The following C1QL2 variants were observed in gnomAD, a reference collection of about 807,000 sequenced individuals.
C1QL2 encodes complement C1q-like protein 2.
Under a neutral mutation model 16.6 loss-of-function variants are expected in C1QL2, and 13 were observed. The observed-to-expected ratio is 0.78, with a 90% CI of 0.51 to 1.25. The LOEUF (loss-of-function observed/expected upper bound fraction) is 1.25. Among genes scored for constraint, C1QL2 ranks in the 50% most tolerant of loss-of-function variants. The probability of loss-of-function intolerance (pLI) is 0.00; values close to 1 mark genes in which losing one functional copy is unlikely to be tolerated. For missense variants in C1QL2, 396 were observed against 409.6 expected (o/e 0.97, Z 0.29); for synonymous variants, 210 against 183.2 (o/e 1.15, Z -1.18).
chr2:119,158,225 C>T lies in C1QL2; in HGVS notation c.45G>A (p.Ala15=), dbSNP rs775675676. The T allele has an allele frequency of 3.8e-6, 6 of 1,571,316 alleles. No individual in the cohort carries two copies. Among genetic ancestry groups the T allele is most frequent in the Middle Eastern group, 2.0e-4 (1 of 5,110 alleles). The stretch of plus-strand genomic sequence containing the variant: ...CATAGTGCGCGGCGCCTCGGGGCGC[C>T]GCCTGCAGCAGCAGCGGCACGGCGA... ...LLIAVPLLLQ[A]APRGAAHYEM... is the part of the protein sequence containing the mutation. The change falls in exon 1 of 2, where the codon GCG becomes GCA. Residue 15 remains alanine, a synonymous_variant. Transcript: ENST00000272520.
Position 119,158,218 on chromosome 2 carries a change from G to C in C1QL2, c.52C>G (p.Arg18Gly), listed in dbSNP as rs879501674. 3 of 1,573,664 alleles carry C rather than the reference G, an allele frequency of 1.9e-6. No homozygotes were observed. Among genetic ancestry groups the C allele is most frequent in the African/African-American group, 1.4e-5 (1 of 70,762 alleles). Residue 18 changes from arginine to glycine, a missense_variant, in exon 1 of 2, where the codon CGA becomes GGA. Physicochemically the swap from Arg to Gly is moderately radical, Grantham distance 125. Transcript: ENST00000272520. ...ATCATCTCATAGTGCGCGGCGCCTC[G>C]GGGCGCCGCCTGCAGCAGCAGCGGC... is the stretch of plus-strand genomic sequence containing the variant. ...AVPLLLQAAP[R>G]GAAHYEMMGT... is the part of the protein sequence containing the mutation.
At position 119,156,684 on chromosome 2, in the gene C1QL2, T is replaced by G; in HGVS notation, c.*118A>C. Reference sequence around the variant, plus strand: ...GGGGCAGGGAGGACGCAGGGATTTGTCTTTTCCAAAGGAGATGTCAGGAAG... The same window carrying G: ...GGGGCAGGGAGGACGCAGGGATTTGGCTTTTCCAAAGGAGATGTCAGGAAG... On this transcript the variant is annotated 3_prime_UTR_variant, in exon 2 of 2. Transcript: ENST00000272520. 1 of 1,218,194 alleles carries G rather than the reference T, an allele frequency of 8.2e-7. No homozygotes were observed. Among genetic ancestry groups the G allele is most frequent in the Non-Finnish European group, 1.1e-6 (1 of 889,784 alleles). The allele number at this position is 1,218,194 out of a possible 1,614,324, so 75.5% of individuals were successfully genotyped here. A position where few individuals can be genotyped will look rare whatever the true frequency, so the allele number is the denominator to read the frequency against.
At position 119,157,882 on chromosome 2, in the gene C1QL2, C is replaced by T; in HGVS notation, c.388G>A (p.Gly130Arg). The part of the protein sequence containing the change: ...QLTAGTASGV[G>R]VVGGGAGVGG... ...ACCCCGGCCCCGCCGCCCACCACCC[C>T]GACGCCGCTGGCCGTGCCCGCCGTC... is the stretch of plus-strand genomic sequence containing the variant. The change falls in exon 1 of 2, where the codon GGG becomes AGG. Residue 130 changes from glycine to arginine, a missense_variant. Transcript: ENST00000272520. 2 of 1,576,628 alleles carry T rather than the reference C, an allele frequency of 1.3e-6. No homozygotes were observed. Among genetic ancestry groups the T allele is most frequent in the Non-Finnish European group, 1.7e-6 (2 of 1,161,986 alleles).
In C1QL2 at chr2:119,156,726, TG is replaced by T; in HGVS notation, c.*75del. On this transcript the variant is annotated 3_prime_UTR_variant, in exon 2 of 2. Transcript: ENST00000272520. ...GTCAGGAAGTGTTATGAATCGAGAGTGGCCTTTGCCAAGGAGCCGCGCCCGG... is the reference window on the plus strand; with the variant it reads ...GTCAGGAAGTGTTATGAATCGAGAGTGCCTTTGCCAAGGAGCCGCGCCCGG... 1 of 1,472,136 alleles carries T rather than the reference TG, an allele frequency of 6.8e-7. No individual in the cohort carries two copies. The highest frequency in any genetic ancestry group is 9.2e-7 in the Non-Finnish European group (1 of 1,084,026). 91.2% of individuals were successfully genotyped at this position (1,472,136 alleles called of 1,614,324 possible).
In C1QL2 at chr2:119,157,764, TG is replaced by T; in HGVS notation, c.505del (p.His169ThrfsTer7). Reference protein sequence around the residue: ...IAFYVGLKSPHEGYEVLKFDD... With the variant: ...IAFYVGLKSPXEGYEVLKFDD... ...GAACTTCAGCACCTCATAGCCTTCG[TG>T]GGGGCTCTTGAGACCCACATAGAAG... On this transcript the variant is annotated frameshift_variant, in exon 1 of 2. Coordinates refer to ENST00000272520, the MANE Select transcript of C1QL2 (RefSeq NM_182528.4). LOFTEE classifies it high-confidence loss of function. 5 of 1,612,996 alleles carry T rather than the reference TG, an allele frequency of 3.1e-6. No individual in the cohort carries two copies. Among genetic ancestry groups the T allele is most frequent in the Admixed American group, 1.7e-5 (1 of 59,832 alleles).
chr2:119,158,135 C>G lies in C1QL2; in HGVS notation c.135G>C (p.Pro45=). The change falls in exon 1 of 2, where the codon CCG becomes CCC. Residue 45 remains proline, a synonymous_variant. Transcript: ENST00000272520. The part of the protein sequence containing the change: ...PYTAAPGGEP[P]GAKAQPPGPS... ...GTCCGGGTGGCTGCGCCTTTGCACC[C>G]GGGGGCTCCCCGCCGGGCGCGGCAG... is the stretch of plus-strand genomic sequence containing the variant. 1.3e-6 allele frequency: 2 copies of G among 1,554,530 alleles called. No individual in the cohort carries two copies. Among genetic ancestry groups the G allele is most frequent in the South Asian group, 1.2e-5 (1 of 84,582 alleles).
rs374776152 is a variant in C1QL2, at chr2:119,158,156, G to A, written c.114C>T (p.Ala38=). 1.1e-5 allele frequency: 18 copies of A among 1,572,272 alleles called. No homozygotes were observed. Among genetic ancestry groups the A allele is most frequent in the South Asian group, 9.3e-5 (8 of 86,354 alleles). The change falls in exon 1 of 2, where the codon GCC becomes GCT. Residue 38 remains alanine, a synonymous_variant. Transcript: ENST00000272520. ...CACCCGGGGGCTCCCCGCCGGGCGCGGCAGTGTAAGGGTCGCAGATCATGC... is the reference window on the plus strand; with the variant it reads ...CACCCGGGGGCTCCCCGCCGGGCGCAGCAGTGTAAGGGTCGCAGATCATGC... ...TCRMICDPYT[A]APGGEPPGAK...
At position 119,156,994 on chromosome 2, in the gene C1QL2, G is replaced by A. The variant is rs780927312; in HGVS notation, c.685-13C>T. On this transcript the variant is annotated splice_polypyrimidine_tract_variant and intron_variant, in intron 1 of 1. Coordinates refer to ENST00000272520, the MANE Select transcript of C1QL2 (RefSeq NM_182528.4). ...CGCTGGCCCGGACCTGGGGACAAGC[G>A]GTGGGAGCAGGTGAGCCGGGGCACC... 1.2e-6 allele frequency: 2 copies of A among 1,612,026 alleles called. No homozygotes were observed. The highest frequency in any genetic ancestry group is 1.1e-5 in the South Asian group (1 of 90,980).
Position 119,156,673 on chromosome 2 carries a change from G to C in C1QL2, c.*129C>G. ...AGGCCAGGAGCGGGGCAGGGAGGAC[G>C]CAGGGATTTGTCTTTTCCAAAGGAG... On this transcript the variant is annotated 3_prime_UTR_variant, in exon 2 of 2. Transcript: ENST00000272520. The C allele has an allele frequency of 1.8e-6, 2 of 1,099,022 alleles. No homozygotes were observed. Among genetic ancestry groups the C allele is most frequent in the Non-Finnish European group, 1.3e-6 (1 of 787,638 alleles). The allele number at this position is 1,099,022 out of a possible 1,614,324, so 68.1% of individuals were successfully genotyped here. A position where few individuals can be genotyped will look rare whatever the true frequency, so the allele number is the denominator to read the frequency against.
At position 119,158,707 on chromosome 2, in the gene C1QL2, G is replaced by C. The variant is rs547983632; in HGVS notation, c.-438C>G. ...AGGCTCCGCTCCGCTGGGTTTAGTG[G>C]GGCTCCTAGCGCAGTGAGGGCGCCC... On this transcript the variant is annotated 5_prime_UTR_variant, in exon 1 of 2. Coordinates refer to ENST00000272520, the MANE Select transcript of C1QL2 (RefSeq NM_182528.4). 6.5e-6 allele frequency: 1 copy of C among 152,682 alleles called. No individual in the cohort carries two copies. Among genetic ancestry groups the C allele is most frequent in the Non-Finnish European group, 1.5e-5 (1 of 68,360 alleles). 9.5% of individuals were successfully genotyped at this position (152,682 alleles called of 1,614,324 possible).
chr2:119,158,155 C>A lies in C1QL2; in HGVS notation c.115G>T (p.Ala39Ser). ...GCACCCGGGGGCTCCCCGCCGGGCG[C>A]GGCAGTGTAAGGGTCGCAGATCATG... ...CRMICDPYTAAPGGEPPGAKA... is the reference protein window; with the variant it reads ...CRMICDPYTASPGGEPPGAKA... Residue 39 changes from alanine (A) to serine (S), a missense_variant, in exon 1 of 2, where the codon GCG becomes TCG. By Grantham distance (99) the Ala-to-Ser change is moderately conservative (BLOSUM62 1). Around this residue, in one of 2 missense-constraint regions of C1QL2, gnomAD observed 353 missense variants for 334.8 expected, o/e 1.05. Coordinates refer to ENST00000272520, the MANE Select transcript of C1QL2 (RefSeq NM_182528.4). 1 of 1,570,998 alleles carries A rather than the reference C, an allele frequency of 6.4e-7. No individual in the cohort carries two copies. Among genetic ancestry groups the A allele is most frequent in the South Asian group, 1.2e-5 (1 of 86,224 alleles).
In C1QL2 at chr2:119,157,957, G is replaced by A; in HGVS notation, c.313C>T (p.Pro105Ser). The change falls in exon 1 of 2, where the codon CCG (proline) becomes TCG (serine). Residue 105 changes from proline to serine, a missense_variant. Physicochemically the swap from Pro to Ser is moderately conservative, Grantham distance 74 (BLOSUM62 -1). Coordinates refer to ENST00000272520, the MANE Select transcript of C1QL2 (RefSeq NM_182528.4). ...CGCCCCGAGTCGCCCTTCTCTCCCG[G>A]AGGGCCCCTGGGTCCAGGCGGGCCC... is the stretch of plus-strand genomic sequence containing the variant. ...EPGPPGPRGP[P>S]GEKGDSGRPG... 6.5e-7 allele frequency: 1 copy of A among 1,535,108 alleles called. No individual in the cohort carries two copies. Among genetic ancestry groups the A allele is most frequent in the South Asian group, 1.2e-5 (1 of 82,132 alleles).
In C1QL2 at chr2:119,156,887, T is replaced by C; in HGVS notation, c.779A>G (p.Tyr260Cys). The C allele has an allele frequency of 6.2e-7, 1 of 1,614,060 alleles. No homozygotes were observed. The highest frequency in any genetic ancestry group is 8.5e-7 in the Non-Finnish European group (1 of 1,179,932). The change falls in exon 2 of 2, where the codon TAT becomes TGT. Residue 260 changes from tyrosine (Y) to cysteine (C), a missense_variant. This residue lies in a region of C1QL2 where 43 missense variants were observed against 74.8 expected (regional missense o/e 0.57). Transcript: ENST00000272520. ...AGCCTTCCCGCCATCCAGCTTCACA[T>C]ACACTTCGTCCCCTGAATCCAAGTG... ...VLHLDSGDEV[Y>C]VKLDGGKAHG...
chr2:119,157,696 T>A lies in C1QL2; in HGVS notation c.574A>T (p.Thr192Ser). Residue 192 changes from threonine (T) to serine (S), a missense_variant, in exon 1 of 2, where the codon ACG becomes TCG. Around this residue, in one of 2 missense-constraint regions of C1QL2, gnomAD observed 353 missense variants for 334.8 expected, o/e 1.05. Transcript: ENST00000272520. Reference protein sequence around the residue: ...TNLGNHYDPTTGKFSCQVRGI... With the variant: ...TNLGNHYDPTSGKFSCQVRGI... ...CGTACCTGGCAGCTGAACTTGCCCG[T>A]GGTGGGGTCATAGTGATTGCCGAGG... The A allele has an allele frequency of 6.2e-7, 1 of 1,614,128 alleles. No homozygotes were observed.
Position 119,158,208 on chromosome 2 carries a change from G to T in C1QL2, c.62C>A (p.Ala21Glu), listed in dbSNP as rs774350154. The T allele has an allele frequency of 2.5e-6, 4 of 1,575,308 alleles. No individual in the cohort carries two copies. Among genetic ancestry groups the T allele is most frequent in the Non-Finnish European group, 2.6e-6 (3 of 1,164,724 alleles). The change falls in exon 1 of 2, where the codon GCG becomes GAG. Residue 21 changes from alanine (A) to glutamate (E), a missense_variant. By Grantham distance (107) the Ala-to-Glu change is moderately radical. Around this residue, in one of 2 missense-constraint regions of C1QL2, gnomAD observed 353 missense variants for 334.8 expected, o/e 1.05. Coordinates refer to ENST00000272520, the MANE Select transcript of C1QL2 (RefSeq NM_182528.4). ...LLLQAAPRGAAHYEMMGTCRM... is the reference protein window; with the variant it reads ...LLLQAAPRGAEHYEMMGTCRM... ...GCAGGTGCCCATCATCTCATAGTGC[G>T]CGGCGCCTCGGGGCGCCGCCTGCAG...
chr2:119,158,304 C>T lies in C1QL2; in HGVS notation c.-35G>A. The T allele has an allele frequency of 5.2e-6, 7 of 1,342,640 alleles. No individual in the cohort carries two copies. The highest frequency in any genetic ancestry group is 1.9e-5 in the South Asian group (1 of 52,562). 83.2% of individuals were successfully genotyped at this position (1,342,640 alleles called of 1,614,324 possible). On this transcript the variant is annotated 5_prime_UTR_variant, in exon 1 of 2. In the 5' UTR this introduces an upstream ATG that the reference lacks. Transcript: ENST00000272520. Reference sequence around the variant, plus strand: ...TACGCCGACGGCCGCCAGGCAGGCACGCCGCCGCCGCTGCCACAGCCGGGA... The same window carrying T: ...TACGCCGACGGCCGCCAGGCAGGCATGCCGCCGCCGCTGCCACAGCCGGGA...
chr2:119,157,866 C>T lies in C1QL2; in HGVS notation c.404G>A (p.Gly135Glu), dbSNP rs1230948830. The T allele has an allele frequency of 3.2e-6, 5 of 1,583,402 alleles. No homozygotes were observed. Among genetic ancestry groups the T allele is most frequent in the Non-Finnish European group, 4.3e-6 (5 of 1,165,614 alleles). The part of the protein sequence containing the change: ...TASGVGVVGG[G>E]AGVGGDSEGE... ...CTCGGAATCGCCACCTACCCCGGCC[C>T]CGCCGCCCACCACCCCGACGCCGCT... Residue 135 changes from glycine (G) to glutamate (E), a missense_variant, in exon 1 of 2, where the codon GGG becomes GAG. Around this residue, in one of 2 missense-constraint regions of C1QL2, gnomAD observed 353 missense variants for 334.8 expected, o/e 1.05. Transcript: ENST00000272520.
Position 119,158,265 on chromosome 2 carries a change from G to T in C1QL2, c.5C>A (p.Ala2Glu). The T allele has an allele frequency of 6.5e-7, 1 of 1,529,440 alleles. No individual in the cohort carries two copies. The highest frequency in any genetic ancestry group is 1.2e-5 in the South Asian group (1 of 81,796). 94.7% of individuals were successfully genotyped at this position (1,529,440 alleles called of 1,614,324 possible). Residue 2 changes from alanine (A) to glutamate (E), a missense_variant, in exon 1 of 2, where the codon GCG becomes GAG. By Grantham distance (107) the Ala-to-Glu change is moderately radical. This residue lies in a region of C1QL2 where 353 missense variants were observed against 334.8 expected (regional missense o/e 1.05). Coordinates refer to ENST00000272520, the MANE Select transcript of C1QL2 (RefSeq NM_182528.4). ...CGGCACGGCGATGAGCAGCCCGAGC[G>T]CCATGGCCAAGAGTACGCCGACGGC... M[A>E]LGLLIAVPLL...
In C1QL2 at chr2:119,157,998, C is replaced by G; in HGVS notation, c.272G>C (p.Gly91Ala). The change falls in exon 1 of 2, where the codon GGG (glycine) becomes GCG (alanine). Residue 91 changes from glycine to alanine, a missense_variant. By Grantham distance (60) the Gly-to-Ala change is moderately conservative (BLOSUM62 0). Coordinates refer to ENST00000272520, the MANE Select transcript of C1QL2 (RefSeq NM_182528.4). ...AGGCGGGCCCGGCTCTCCAGGGGGC[C>G]CCCGCGGCCCTGGCTTGCCCGGTCG... ...PGRPGKPGPRGPPGEPGPPGP... is the reference protein window; with the variant it reads ...PGRPGKPGPRAPPGEPGPPGP... The G allele has an allele frequency of 6.6e-7, 1 of 1,521,226 alleles. No individual in the cohort carries two copies. Among genetic ancestry groups the G allele is most frequent in the Non-Finnish European group, 8.8e-7 (1 of 1,136,422 alleles). 94.2% of individuals were successfully genotyped at this position (1,521,226 alleles called of 1,614,324 possible).
Sources: allele counts gnomAD v4.1 joint callset, GRCh38; gene constraint gnomAD v4.1.1; regional missense constraint gnomAD v4.1.1; transcripts MANE v1.5; gene names NCBI Gene and HGNC (gene_info 2026-07-23, HGNC 2026-07-21).